MAGI2: variants seen among roughly 807,000 people sequenced by gnomAD.
MAGI2 encodes membrane associated guanylate kinase, WW and PDZ domain containing 2.
MAGI2 carries 35 observed loss-of-function variants against 133.3 expected under a neutral mutation model. The observed-to-expected ratio is 0.26, with a 90% CI of 0.20 to 0.35. The LOEUF (loss-of-function observed/expected upper bound fraction) is 0.35, where lower values mean the gene tolerates loss of function less well. Among genes scored for constraint, MAGI2 ranks in the 10% least tolerant of loss-of-function variants. The pLI is 1.00. For synonymous variants in MAGI2, 729 were observed against 710.6 expected (o/e 1.03, Z -0.41); for missense variants, 1,636 against 1,863.4 (o/e 0.88, Z 2.25).
chr7:78,243,510 T>A (rs1367979665), intron 10 of MAGI2, among the ~76,000 whole-genome samples: 1 of 152,186 alleles, frequency 6.6e-6, no homozygotes, highest in Non-Finnish European at 1.5e-5. Flanking sequence ...ATTATGCTTT[T>A]TAAAATTTTA....
At chr7:79,158,867 G>A (rs958342385) in intron 1 of MAGI2, among the ~76,000 whole-genome samples, 1 of 151,880 alleles carries the variant, frequency 6.6e-6, no homozygotes, top group Middle Eastern at 3.2e-3. Flanking sequence ...TTGATATTAA[G>A]TATCTAGATA....
chr7:78,162,788 C>T (rs551862062), intron 15 of MAGI2, among the ~76,000 whole-genome samples: 48 of 152,092 alleles, frequency 3.2e-4, no homozygotes, highest in Non-Finnish European at 5.7e-4. Context: ...AAGAAGACTT[C>T]GAAGGTCTTC....
At chr7:78,402,714 G>T (rs1159722601) in intron 6 of MAGI2, among the ~76,000 whole-genome samples, 2 of 152,072 alleles carry the variant, frequency 1.3e-5, no homozygotes, top group Non-Finnish European at 2.9e-5. Context: ...TTTAATTCTT[G>T]CTCAAATTAA....
At chr7:78,541,433 A>G (rs1313771108) in intron 3 of MAGI2, among the ~76,000 whole-genome samples, 1 of 152,216 alleles carries the variant, frequency 6.6e-6, no homozygotes, top group African/African-American at 2.4e-5. Context: ...CTAGAACAAC[A>G]CTGGCATATG....
chr7:78,346,483 C>CAA (rs1246772996), intron 7 of MAGI2, among the ~76,000 whole-genome samples: 1 of 152,156 alleles, frequency 6.6e-6, no homozygotes, highest in East Asian at 1.9e-4. Flanking sequence ...TAGAGTATAG[C>CAA]AACCAGAGTC....
At chr7:78,780,588 T>C (rs1406194035) in intron 2 of MAGI2, among the ~76,000 whole-genome samples, 1 of 152,156 alleles carries the variant, frequency 6.6e-6, no homozygotes, top group Non-Finnish European at 1.5e-5. Context: ...CAAAACCCCA[T>C]GCTCCCGATC....
chr7:79,422,351 C>A (rs1047215308), intron 1 of MAGI2, among the ~76,000 whole-genome samples: 2 of 151,886 alleles, frequency 1.3e-5, no homozygotes, highest in Non-Finnish European at 2.9e-5. Context: ...AAATGCAAAT[C>A]ATGAGATATT....
intron 20 of MAGI2, among the ~76,000 whole-genome samples, chr7:78,095,960 A>G (rs1817653296): frequency 6.6e-6 from 1 of 152,198 alleles, no homozygotes; most frequent in Non-Finnish European, 1.5e-5. Flanking sequence ...AATTTTAATT[A>G]CTCATTCTCA....
intron 21 of MAGI2, chr7:78,039,654 A>G (rs1248495173): frequency 3.9e-5 from 6 of 152,218 alleles, no homozygotes; most frequent in African/African-American, 1.4e-4. Context: ...AAGAAAAACC[A>G]TTTTAGAGGC....
chr7:79,014,250 T>G (rs1808463625), intron 1 of MAGI2, among the ~76,000 whole-genome samples: 1 of 152,212 alleles, frequency 6.6e-6, no homozygotes, highest in Non-Finnish European at 1.5e-5. Context: ...TTGAGTTTCA[T>G]TTTTCATTGT....
intron 6 of MAGI2, among the ~76,000 whole-genome samples, chr7:78,442,801 T>C (rs1186354178): frequency 2.0e-5 from 3 of 152,194 alleles, no homozygotes; most frequent in Admixed American, 6.6e-5. Flanking sequence ...AACTATTTGA[T>C]TTGGTATTCA....
intron 11 of MAGI2, among the ~76,000 whole-genome samples, chr7:78,195,663 C>G (rs1415753269): frequency 6.6e-6 from 1 of 152,202 alleles, no homozygotes; most frequent in Non-Finnish European, 1.5e-5. Flanking sequence ...GTTCCTCCCC[C>G]AGAATGCTGC....
chr7:78,526,767 TG>T, intron 3 of MAGI2, among the ~76,000 whole-genome samples: 1 of 152,014 alleles, frequency 6.6e-6, no homozygotes, highest in Non-Finnish European at 1.5e-5. Context: ...CCCAGGACTT[TG>T]GGAGGCTGAG....
intron 16 of MAGI2, among the ~76,000 whole-genome samples, chr7:78,156,802 C>T (rs1584184884): frequency 6.8e-6 from 1 of 146,402 alleles, no homozygotes. Context: ...AAAAAGCTCC[C>T]GAAGCCACGA....
intron 1 of MAGI2, among the ~76,000 whole-genome samples, chr7:79,195,385 T>G (rs1017252554): frequency 3.9e-5 from 6 of 152,018 alleles, no homozygotes; most frequent in Non-Finnish European, 8.8e-5. Flanking sequence ...CACAAGGTAT[T>G]AGACCACATT....
At chr7:78,160,344 G>A in intron 15 of MAGI2, 71 bp from the exon 16 acceptor site, 1 of 1,469,404 alleles carries the variant, frequency 6.8e-7, no homozygotes, top group Non-Finnish European at 9.1e-7. Flanking sequence ...CTATGTACTA[G>A]GCACTGTTCT....
intron 7 of MAGI2, chr7:78,350,270 T>C (rs964883508): frequency 6.6e-6 from 1 of 152,224 alleles, no homozygotes; most frequent in Admixed American, 6.5e-5. Context: ...CACCATGGAA[T>C]GGAAACTTAG....
intron 1 of MAGI2, among the ~76,000 whole-genome samples, chr7:79,376,207 G>A (rs1189500255): frequency 6.6e-6 from 1 of 151,850 alleles, no homozygotes; most frequent in Admixed American, 6.6e-5. Flanking sequence ...TATATACCAT[G>A]TTTTTTCCTA....
intron 2 of MAGI2, among the ~76,000 whole-genome samples, chr7:78,758,837 C>T (rs1207900345): frequency 1.3e-5 from 2 of 152,170 alleles, no homozygotes; most frequent in African/African-American, 4.8e-5. Context: ...TATGTAGGTT[C>T]CTCCACACCT....
Sources: allele counts gnomAD v4.1 joint callset (sites outside exome capture counted in the v4.1 genomes callset), GRCh38; gene constraint gnomAD v4.1.1; transcripts MANE v1.5; gene names NCBI Gene and HGNC (gene_info 2026-07-23, HGNC 2026-07-21).